Variants in ACSF3 observed in about 807,000 individuals in gnomAD.
ACSF3 encodes acyl-CoA synthetase family member 3, also known as malonate--CoA ligase ACSF3, mitochondrial.
Under a neutral mutation model 53.2 loss-of-function variants are expected in ACSF3, and 78 were observed. The ratio of observed to expected loss-of-function variants is 1.47; its 90% CI spans 1.22 to 1.77. ACSF3 has a LOEUF of 1.77. ACSF3 is among the 40% of genes most tolerant of loss of function. The pLI, the probability that ACSF3 is intolerant of heterozygous loss-of-function variation, is 0.00. For synonymous variants in ACSF3, 414 were observed against 333.1 expected (o/e 1.24, Z -2.65); for missense variants, 937 against 771.1 (o/e 1.22, Z -2.55).
intron 10 of ACSF3, chr16:89,151,667 C>T: frequency 5.5e-6 from 1 of 181,126 alleles, no homozygotes; most frequent in Middle Eastern, 2.7e-3. Flanking sequence ...AGTGCAGTGG[C>T]ACGATCTCCG....
intron 8 of ACSF3, among the ~76,000 whole-genome samples, chr16:89,142,176 AG>A (rs1179713254): frequency 6.6e-6 from 1 of 151,998 alleles, no homozygotes; most frequent in Non-Finnish European, 1.5e-5. Flanking sequence ...GAGGCCAGGC[AG>A]GGCTATCACT....
At chr16:89,097,556 T>C (rs1974769441) in intron 1 of ACSF3, among the ~76,000 whole-genome samples, 1 of 152,222 alleles carries the variant, frequency 6.6e-6, no homozygotes, top group Non-Finnish European at 1.5e-5. Context: ...CCCTCACACC[T>C]GTAAAGCAGT....
intron 10 of ACSF3, chr16:89,149,345 G>C (rs182851829): frequency 6.6e-6 from 1 of 152,168 alleles, no homozygotes; most frequent in Admixed American, 6.5e-5. Flanking sequence ...CCACTTCCCT[G>C]TACCAGTTTT....
intron 10 of ACSF3, chr16:89,147,965 T>TG (rs886946489): frequency 6.6e-6 from 1 of 151,870 alleles, no homozygotes; most frequent in African/African-American, 2.4e-5. Context: ...CCAGATACAG[T>TG]GGGGGTGCAG....
intron 2 of ACSF3, among the ~76,000 whole-genome samples, chr16:89,099,004 G>A (rs945902804): frequency 1.3e-5 from 2 of 152,278 alleles, no homozygotes; most frequent in Non-Finnish European, 2.9e-5. Context: ...GGGCCGCTGA[G>A]TGCCCAGTGG....
intron 10 of ACSF3, among the ~76,000 whole-genome samples, chr16:89,146,392 T>C (rs1248254628): frequency 6.6e-6 from 1 of 152,074 alleles, no homozygotes; most frequent in East Asian, 1.9e-4. Flanking sequence ...TGCATGGAGC[T>C]GAGATCCAGG....
intron 6 of ACSF3, among the ~76,000 whole-genome samples, chr16:89,120,506 G>A (rs1181181046): frequency 2.0e-5 from 3 of 152,208 alleles, no homozygotes; most frequent in African/African-American, 7.2e-5. Context: ...TGTATGAGGG[G>A]CCCAGGGCAG....
In ACSF3 at chr16:89,154,919, C is replaced by T. The variant is rs1914553362; in HGVS notation, c.*712C>T. 1 of 454,082 alleles carries T rather than the reference C, an allele frequency of 2.2e-6. No homozygotes were observed. The highest frequency in any genetic ancestry group is 4.4e-6 in the Non-Finnish European group (1 of 226,776). 28.1% of individuals were successfully genotyped at this position (454,082 alleles called of 1,614,324 possible). ...CCCCCAGCGCAGGGACTTTCCAGGT[C>T]ATCTCCACACCAGCCCCTCAGCCGG... On this transcript the variant is annotated 3_prime_UTR_variant, in exon 11 of 11. Coordinates refer to ENST00000614302, the MANE Select transcript of ACSF3 (RefSeq NM_001243279.3).
chr16:89,136,617 C>A, intron 8 of ACSF3: 2 of 1,287,246 alleles, frequency 1.6e-6, no homozygotes, highest in Non-Finnish European at 2.0e-6. Context: ...TGGCTGGACA[C>A]AGCTGAGGAT....
At chr16:89,151,662 A>G (rs1386539568) in intron 10 of ACSF3, 1 of 183,438 alleles carries the variant, frequency 5.5e-6, no homozygotes, top group Non-Finnish European at 1.1e-5. Context: ...GCTGGAGTGC[A>G]GTGGCACGAT....
At chr16:89,150,921 G>T in intron 10 of ACSF3, 1 of 1,159,186 alleles carries the variant, frequency 8.6e-7, no homozygotes, top group African/African-American at 1.6e-5. Context: ...GTAAGTTAGA[G>T]GATTAATCCA....
chr16:89,128,961 A>C (rs1013469085), intron 7 of ACSF3, among the ~76,000 whole-genome samples: 2 of 38,520 alleles, frequency 5.2e-5, no homozygotes, highest in Non-Finnish European at 1.3e-4. Flanking sequence ...CCCCATCTCT[A>C]CAAAAAGTTG....
At chr16:89,119,906 C>T (rs1003309168) in intron 6 of ACSF3, among the ~76,000 whole-genome samples, 11 of 152,202 alleles carry the variant, frequency 7.2e-5, no homozygotes, top group African/African-American at 1.9e-4. Flanking sequence ...GAAATCTCAG[C>T]GTGGACTCAG....
chr16:89,096,744 C>T (rs557810253), intron 1 of ACSF3, among the ~76,000 whole-genome samples: 3 of 152,308 alleles, frequency 2.0e-5, no homozygotes, highest in South Asian at 4.1e-4. Context: ...TTCCCTCGGC[C>T]GACTCTGGCT....
intron 7 of ACSF3, among the ~76,000 whole-genome samples, 159 bp downstream of exon 7, chr16:89,121,072 C>A (rs1906536502): frequency 6.6e-6 from 1 of 152,242 alleles, no homozygotes; most frequent in Non-Finnish European, 1.5e-5. Context: ...TGCAAGGGCA[C>A]TGGCTGGTGT....
chr16:89,120,525 C>T (rs974437992), intron 6 of ACSF3, among the ~76,000 whole-genome samples: 1 of 152,236 alleles, frequency 6.6e-6, no homozygotes, highest in African/African-American at 2.4e-5. Context: ...AGGCCAGGCC[C>T]AGCGTGCCAC....
chr16:89,096,822 T>C (rs1187022202), intron 1 of ACSF3, among the ~76,000 whole-genome samples: 1 of 152,208 alleles, frequency 6.6e-6, no homozygotes, highest in Non-Finnish European at 1.5e-5. Flanking sequence ...CTCCTGCCCG[T>C]GGCCTCTCCT....
intron 7 of ACSF3, chr16:89,122,505 CTG>C: frequency 5.1e-6 from 2 of 393,546 alleles, no homozygotes; most frequent in South Asian, 3.7e-5. Flanking sequence ...GCTCTCAAGT[CTG>C]TGCCCTGCAG....
Position 89,155,934 on chromosome 16 carries a change from C to G in ACSF3, c.*1727C>G, listed in dbSNP as rs922544104. 15 of 367,604 alleles carry G rather than the reference C, an allele frequency of 4.1e-5. No individual in the cohort carries two copies. Among genetic ancestry groups the G allele is most frequent in the African/African-American group, 8.5e-5 (4 of 47,014 alleles). 22.8% of individuals were successfully genotyped at this position (367,604 alleles called of 1,614,324 possible). ...CTACAGAAAGCCTGGAGCTCATTGA[C>G]CAGAAACTGCAGAGAGCCTGGAGCT... On this transcript the variant is annotated 3_prime_UTR_variant, in exon 11 of 11. Transcript: ENST00000614302.
Sources: allele counts gnomAD v4.1 joint callset (sites outside exome capture counted in the v4.1 genomes callset), GRCh38; gene constraint gnomAD v4.1.1; transcripts MANE v1.5; gene names NCBI Gene and HGNC (gene_info 2026-07-23, HGNC 2026-07-21).